Variants in EEPD1 observed in about 807,000 individuals in gnomAD.
EEPD1 encodes endonuclease/exonuclease/phosphatase family domain-containing protein 1.
Under a neutral mutation model 46.3 loss-of-function variants are expected in EEPD1, and 17 were observed. The ratio of observed to expected loss-of-function variants is 0.37; its 90% CI spans 0.25 to 0.55. The LOEUF (loss-of-function observed/expected upper bound fraction) is 0.55, where lower values mean the gene tolerates loss of function less well. Among genes scored for constraint, EEPD1 ranks in the 20% least tolerant of loss-of-function variants. The pLI, the probability that EEPD1 is intolerant of heterozygous loss-of-function variation, is 0.83. For missense variants in EEPD1, 673 were observed against 745.6 expected (o/e 0.90, Z 1.13); for synonymous variants, 313 against 315.6 (o/e 0.99, Z 0.09).
intron 6 of EEPD1, among the ~76,000 whole-genome samples, chr7:36,288,484 G>A: frequency 6.6e-6 from 1 of 152,230 alleles, no homozygotes; most frequent in Non-Finnish European, 1.5e-5. Context: ...ATTCTAGCTA[G>A]GCACGGTAGC....
Position 36,225,378 on chromosome 7 carries a change from A to G in EEPD1, c.879-13607A>G, listed in dbSNP as rs544098583. On this transcript the variant is annotated intron_variant, in intron 2 of 7. Transcript: ENST00000242108. The surrounding 1 kb of genome is among the most constrained non-coding windows in gnomAD (Gnocchi z 4.2). Reference sequence around the variant, plus strand: ...CACATTCAGATTTTTGGCGTTGGTGATTATTGAAATCAGTGATCCGTCATC... The same window carrying G: ...CACATTCAGATTTTTGGCGTTGGTGGTTATTGAAATCAGTGATCCGTCATC... Among the ~76,000 whole-genome samples the G allele has an allele frequency of 6.6e-6, 1 of 152,280 alleles. No homozygotes were observed. Among genetic ancestry groups the G allele is most frequent in the South Asian group, 2.1e-4 (1 of 4,832 alleles).
At chr7:36,279,365 T>C (rs1393863432) in intron 3 of EEPD1, among the ~76,000 whole-genome samples, 4 of 152,210 alleles carry the variant, frequency 2.6e-5, no homozygotes, top group Admixed American at 2.0e-4. Flanking sequence ...ATTTCTAAAG[T>C]AGACCTCCCA....
At chr7:36,251,811 A>C (rs1198836980) in intron 3 of EEPD1, among the ~76,000 whole-genome samples, 2 of 152,252 alleles carry the variant, frequency 1.3e-5, no homozygotes, top group African/African-American at 4.8e-5. Flanking sequence ...AAAAAGTATT[A>C]TGAAATAATT....
intron 3 of EEPD1, among the ~76,000 whole-genome samples, chr7:36,264,402 G>A (rs376112847): frequency 6.6e-6 from 1 of 152,288 alleles, no homozygotes; most frequent in East Asian, 1.9e-4. Context: ...CCTCTGTTGA[G>A]CAAGGATGAT....
intron 3 of EEPD1, among the ~76,000 whole-genome samples, chr7:36,278,347 C>T (rs889837596): frequency 4.6e-5 from 7 of 152,112 alleles, no homozygotes; most frequent in African/African-American, 1.7e-4. Context: ...ATCTGAAGGT[C>T]CTCCTGGGGG....
chr7:36,283,106 A>G (rs984731793), intron 4 of EEPD1, among the ~76,000 whole-genome samples: 7 of 152,184 alleles, frequency 4.6e-5, no homozygotes, highest in Non-Finnish European at 1.0e-4. Context: ...AAGACCTAGT[A>G]AGATGAAATG....
chr7:36,220,471 C>T (rs1660251584), intron 2 of EEPD1, among the ~76,000 whole-genome samples: 1 of 152,142 alleles, frequency 6.6e-6, no homozygotes, highest in African/African-American at 2.4e-5. Context: ...CAAAAAGAAC[C>T]TCATGGAAGT....
At chr7:36,200,100 GTT>G (rs57314269) in intron 2 of EEPD1, among the ~76,000 whole-genome samples, 95,786 of 150,786 alleles carry the variant, frequency 0.64, 30,669 homozygotes, top group East Asian at 0.87. Context: ...GTACCCAATA[GTT>G]TTTTTTTTTT....
intron 2 of EEPD1, among the ~76,000 whole-genome samples, chr7:36,162,869 G>C (rs527601996): frequency 6.6e-6 from 1 of 152,290 alleles, no homozygotes; most frequent in South Asian, 2.1e-4. Flanking sequence ...ACAGTACGTT[G>C]TTCCCATTGC....
At chr7:36,265,733 C>T (rs989549961) in intron 3 of EEPD1, among the ~76,000 whole-genome samples, 6 of 152,146 alleles carry the variant, frequency 3.9e-5, no homozygotes, top group Non-Finnish European at 8.8e-5. Context: ...CCATCTCTCT[C>T]CTGTGTCTGT....
At chr7:36,247,186 G>A (rs1408520377) in intron 3 of EEPD1, among the ~76,000 whole-genome samples, 1 of 151,960 alleles carries the variant, frequency 6.6e-6, no homozygotes, top group African/African-American at 2.4e-5. Context: ...GAGTTTCCAG[G>A]CAAACCCTAG....
At chr7:36,205,621 G>A (rs1221816355) in intron 2 of EEPD1, among the ~76,000 whole-genome samples, 1 of 152,220 alleles carries the variant, frequency 6.6e-6, no homozygotes. Context: ...GCTAAGTGAT[G>A]ATCTGGAAAA....
intron 6 of EEPD1, among the ~76,000 whole-genome samples, chr7:36,296,439 C>G (rs1246240713): frequency 6.6e-6 from 1 of 152,160 alleles, no homozygotes; most frequent in South Asian, 2.1e-4. Flanking sequence ...CATGTTGACC[C>G]AAGCACTTCT....
intron 2 of EEPD1, among the ~76,000 whole-genome samples, chr7:36,186,029 C>A (rs1254475463): frequency 6.6e-6 from 1 of 152,084 alleles, no homozygotes; most frequent in African/African-American, 2.4e-5. Context: ...TTTTTCCTTT[C>A]TGGAACTTAT....
At chr7:36,216,643 AATG>A (rs1455390441) in intron 2 of EEPD1, among the ~76,000 whole-genome samples, 1 of 152,240 alleles carries the variant, frequency 6.6e-6, no homozygotes, top group Non-Finnish European at 1.5e-5. Flanking sequence ...AAAAATGTGA[AATG>A]GCCTTGATGT....
At chr7:36,168,488 C>G (rs971245100) in intron 2 of EEPD1, among the ~76,000 whole-genome samples, 1 of 152,178 alleles carries the variant, frequency 6.6e-6, no homozygotes, top group African/African-American at 2.4e-5. Context: ...GGCACGGTGG[C>G]TCACGCCTGT....
intron 3 of EEPD1, among the ~76,000 whole-genome samples, chr7:36,267,680 A>G (rs1380885118): frequency 6.6e-6 from 1 of 152,130 alleles, no homozygotes; most frequent in Non-Finnish European, 1.5e-5. Flanking sequence ...GTAAGACTGT[A>G]AGCTCAGGTT....
intron 2 of EEPD1, 49 bp downstream of exon 2, chr7:36,155,251 G>A (rs202088491): frequency 1.0e-5 from 15 of 1,488,716 alleles, no homozygotes; most frequent in South Asian, 2.9e-5. Flanking sequence ...CAACTTGTGC[G>A]TGACCTCATC....
chr7:36,231,621 G>A (rs1395882248), intron 2 of EEPD1, among the ~76,000 whole-genome samples: 1 of 152,192 alleles, frequency 6.6e-6, no homozygotes, highest in Non-Finnish European at 1.5e-5. Flanking sequence ...GGGCCCTTGT[G>A]GAGGGCAGGA....
Sources: gnomAD v4.1 joint callset for allele counts (sites outside exome capture counted in the v4.1 genomes callset) on GRCh38, gnomAD v4.1.1 for gene constraint, Gnocchi (gnomAD v3.1) non-coding constraint, MANE v1.5 for transcripts, NCBI Gene and HGNC (gene_info 2026-07-23, HGNC 2026-07-21) for gene names.